C10orf143: variants seen among roughly 807,000 people sequenced by gnomAD.
C10orf143 encodes chromosome 10 open reading frame 143.
chr10:130,105,141 T>A (rs1319514254), intron 1 of C10orf143: 1 of 152,252 alleles, frequency 6.6e-6, no homozygotes, highest in African/African-American at 2.4e-5. Context: ...TTAGCCGGGC[T>A]GATCTGGAAC....
At chr10:130,046,924 C>T (rs1323415856) in intron 3 of C10orf143, among the ~76,000 whole-genome samples, 1 of 152,216 alleles carries the variant, frequency 6.6e-6, no homozygotes, top group Non-Finnish European at 1.5e-5. Flanking sequence ...ACCCCTGAGG[C>T]GTGTGTGTGT....
intron 1 of C10orf143, among the ~76,000 whole-genome samples, chr10:130,081,084 A>G (rs1192668392): frequency 6.6e-6 from 1 of 152,240 alleles, no homozygotes; most frequent in African/African-American, 2.4e-5. Context: ...AACAAGACCC[A>G]ACTATACAGA....
chr10:130,090,004 T>G (rs1321968147), intron 1 of C10orf143, among the ~76,000 whole-genome samples: 1 of 152,182 alleles, frequency 6.6e-6, no homozygotes, highest in Non-Finnish European at 1.5e-5. Flanking sequence ...TAGGCAAATA[T>G]TTCTCAGATA....
At chr10:130,076,287 A>C (rs1343853362) in intron 3 of C10orf143, among the ~76,000 whole-genome samples, 1 of 152,170 alleles carries the variant, frequency 6.6e-6, no homozygotes, top group Non-Finnish European at 1.5e-5. Context: ...AGAGAGAGAG[A>C]GAAATGCTCT....
chr10:130,069,715 A>C (rs1285303603), intron 3 of C10orf143, among the ~76,000 whole-genome samples: 1 of 152,156 alleles, frequency 6.6e-6, no homozygotes, highest in African/African-American at 2.4e-5. Flanking sequence ...GGCTCAGGCA[A>C]TCCTCCTGTC....
chr10:130,095,047 T>C (rs768145930), intron 1 of C10orf143, among the ~76,000 whole-genome samples: 20 of 152,134 alleles, frequency 1.3e-4, no homozygotes, highest in Non-Finnish European at 2.4e-4. Context: ...ACAAAATCAA[T>C]GTGCAAAACT....
intron 3 of C10orf143, among the ~76,000 whole-genome samples, chr10:130,074,325 G>A (rs1246132002): frequency 1.3e-5 from 2 of 152,166 alleles, no homozygotes. Context: ...AAACCTGGGG[G>A]TAGAAATGCA....
rs1416301632 is a variant in C10orf143 at position 130,106,074 on chromosome 10, G to C, written c.69+4630C>G. 10 of 592,468 alleles carry C rather than the reference G, an allele frequency of 1.7e-5. 1 individual carries two copies. The highest frequency in any genetic ancestry group is 1.4e-4 in the South Asian group (10 of 69,836). 36.7% of individuals were successfully genotyped at this position (592,468 alleles called of 1,614,324 possible). On this transcript the variant is annotated intron_variant, in intron 1 of 3. Transcript: ENST00000637128. ...TTGGAGCCAGGGGCTACCCCTCAGC[G>C]GTACTTGGGGCTGGTCCTGGGGGAG...
intron 1 of C10orf143, among the ~76,000 whole-genome samples, chr10:130,109,342 G>A (rs11017082): frequency 0.69 from 104,417 of 151,944 alleles, 36,513 homozygotes; most frequent in East Asian, 0.83. Flanking sequence ...AGAGGAGGGT[G>A]ACACCCAGGG....
chr10:130,080,982 T>C (rs1379984560), intron 1 of C10orf143, among the ~76,000 whole-genome samples: 7 of 152,126 alleles, frequency 4.6e-5, no homozygotes, highest in Non-Finnish European at 1.0e-4. Context: ...AAGGGTTAAA[T>C]AATAAAACAG....
intron 1 of C10orf143, among the ~76,000 whole-genome samples, chr10:130,089,434 A>C (rs1218267511): frequency 6.6e-6 from 1 of 152,124 alleles, no homozygotes. Context: ...CAATGGAGGG[A>C]TATGGAGTTT....
chr10:130,078,487 T>G (rs1020096198), intron 3 of C10orf143, among the ~76,000 whole-genome samples: 3 of 152,222 alleles, frequency 2.0e-5, no homozygotes, highest in Non-Finnish European at 4.4e-5. Context: ...AGTTGCTGGA[T>G]CTTTAATTTC....
At chr10:130,106,522 T>C in intron 1 of C10orf143, 1 of 1,599,344 alleles carries the variant, frequency 6.3e-7, no homozygotes, top group Non-Finnish European at 8.6e-7. Flanking sequence ...AATCTAAACA[T>C]TCGCAACAAA....
At chr10:130,055,941 G>A (rs1209291438) in intron 3 of C10orf143, among the ~76,000 whole-genome samples, 104 of 94,440 alleles carry the variant, frequency 1.1e-3, no homozygotes, top group Admixed American at 0.011. Context: ...GCAAGACTCC[G>A]TCTCCAAAAG....
At chr10:130,064,652 T>C (rs957168529) in intron 3 of C10orf143, among the ~76,000 whole-genome samples, 1 of 152,182 alleles carries the variant, frequency 6.6e-6, no homozygotes, top group Non-Finnish European at 1.5e-5. Context: ...CTTTGAGGAA[T>C]AGCAAGAGAA....
intron 3 of C10orf143, among the ~76,000 whole-genome samples, chr10:130,057,619 C>G (rs1323111084): frequency 7.1e-6 from 1 of 140,358 alleles, no homozygotes; most frequent in Non-Finnish European, 1.5e-5. Flanking sequence ...AGCCTCTCCA[C>G]GAGGCCTGTG....
intron 3 of C10orf143, among the ~76,000 whole-genome samples, chr10:130,037,294 T>A (rs1284437485): frequency 6.6e-6 from 1 of 152,204 alleles, no homozygotes; most frequent in East Asian, 1.9e-4. Flanking sequence ...AACTAAGCAC[T>A]GCCGCTTTCC....
intron 1 of C10orf143, chr10:130,106,064 ACCC>A: frequency 1.7e-6 from 1 of 574,780 alleles, no homozygotes; most frequent in Non-Finnish European, 3.4e-6. Context: ...GCCAGGGGCT[ACCC>A]CTCAGCGGTA....
chr10:130,039,511 G>A (rs1273700834), intron 3 of C10orf143, among the ~76,000 whole-genome samples: 2 of 152,140 alleles, frequency 1.3e-5, no homozygotes, highest in South Asian at 2.1e-4. Flanking sequence ...CTCAGCCCTC[G>A]ATGAGGTGGA....
Sources: allele counts gnomAD v4.1 joint callset (sites outside exome capture counted in the v4.1 genomes callset), GRCh38; gene constraint gnomAD v4.1.1; transcripts MANE v1.5; gene names NCBI Gene and HGNC (gene_info 2026-07-23, HGNC 2026-07-21).